Variants in NPAS2 observed in about 807,000 individuals in gnomAD.
NPAS2 encodes the protein neuronal PAS domain-containing protein 2.
A neutral mutation model predicts 107.5 loss-of-function variants in NPAS2; 23 were observed. The ratio of observed to expected loss-of-function variants is 0.21; its 90% CI spans 0.15 to 0.30. NPAS2 has a LOEUF of 0.30. NPAS2 is among the 10% of genes least tolerant of loss of function. The probability of loss-of-function intolerance (pLI) is 1.00; values close to 1 mark genes in which losing one functional copy is unlikely to be tolerated. For synonymous variants in NPAS2, 403 were observed against 417.5 expected, an observed-to-expected ratio of 0.97 and a Z score of 0.42; for missense variants, 756 against 1,043.3, an observed-to-expected ratio of 0.72 and a Z score of 3.79.
chr2:100,975,536 T>C lies in NPAS2; in HGVS notation c.1361T>C (p.Val454Ala), dbSNP rs1676928510. ...GCCACCCTGCCCCAAGAGTTACCTG[T>C]CCCCGGGCTCAGCCAGGCAGCCACC... ...RSATLPQELP[V>A]PGLSQAATMP... The change falls in exon 14 of 21, where the codon GTC becomes GCC. Residue 454 changes from valine (V) to alanine (A), a missense_variant. Coordinates refer to ENST00000335681, the MANE Select transcript of NPAS2 (RefSeq NM_002518.4). The C allele has an allele frequency of 6.2e-7, 1 of 1,612,064 alleles. No homozygotes were observed. The highest frequency in any genetic ancestry group is 8.5e-7 in the Non-Finnish European group (1 of 1,179,016).
intron 2 of NPAS2, among the ~76,000 whole-genome samples, chr2:100,907,050 A>G (rs187050527): frequency 6.6e-6 from 1 of 152,302 alleles, no homozygotes; most frequent in Admixed American, 6.5e-5. Flanking sequence ...TTCTGGCATG[A>G]CTAAGGAGTT....
chr2:100,959,650 C>G (rs1675806615), intron 7 of NPAS2, among the ~76,000 whole-genome samples: 1 of 152,194 alleles, frequency 6.6e-6, no homozygotes. Context: ...TGGGACTTAA[C>G]AACTTTATTC....
intron 1 of NPAS2, among the ~76,000 whole-genome samples, chr2:100,879,846 C>T (rs1008863162): frequency 3.9e-5 from 6 of 152,184 alleles, no homozygotes; most frequent in East Asian, 1.9e-4. Context: ...AGAGAGGCTC[C>T]GAATCAGTGG....
intron 2 of NPAS2, among the ~76,000 whole-genome samples, chr2:100,923,825 G>C (rs767224560): frequency 6.6e-6 from 1 of 152,204 alleles, no homozygotes; most frequent in African/African-American, 2.4e-5. Flanking sequence ...GGCCTGTGGC[G>C]TGTCATTGAA....
At chr2:100,903,744 C>T (rs190190100) in intron 1 of NPAS2, among the ~76,000 whole-genome samples, 2 of 152,252 alleles carry the variant, frequency 1.3e-5, no homozygotes, top group African/African-American at 4.8e-5. Flanking sequence ...TTCAGCCTCC[C>T]ACTCCCACAG....
At chr2:100,902,252 A>G (rs1427396871) in intron 1 of NPAS2, among the ~76,000 whole-genome samples, 1 of 152,150 alleles carries the variant, frequency 6.6e-6, no homozygotes, top group Non-Finnish European at 1.5e-5. Context: ...ATTATTAAGT[A>G]AAAGGGTGAC....
intron 1 of NPAS2, among the ~76,000 whole-genome samples, chr2:100,903,399 T>C (rs1353361692): frequency 6.6e-6 from 1 of 152,258 alleles, no homozygotes; most frequent in African/African-American, 2.4e-5. Flanking sequence ...TTGTGGAATA[T>C]GCCTGCTGTT....
At chr2:100,854,774 A>T (rs1481982386) in intron 1 of NPAS2, among the ~76,000 whole-genome samples, 1 of 152,188 alleles carries the variant, frequency 6.6e-6, no homozygotes, top group Non-Finnish European at 1.5e-5. Flanking sequence ...AGCCCCACAA[A>T]GGGAGTACAC....
intron 1 of NPAS2, among the ~76,000 whole-genome samples, chr2:100,855,387 A>C (rs1170856668): frequency 2.0e-5 from 3 of 152,208 alleles, no homozygotes; most frequent in African/African-American, 7.2e-5. Flanking sequence ...AGCTGGAACC[A>C]CCTGAGATTC....
At chr2:100,837,072 G>A (rs371733111) in intron 1 of NPAS2, among the ~76,000 whole-genome samples, 7 of 151,858 alleles carry the variant, frequency 4.6e-5, no homozygotes, top group South Asian at 2.1e-4. Context: ...ATACAGCAGC[G>A]GGACCCCATC....
At chr2:100,982,482 C>A in intron 16 of NPAS2, 105 bp downstream of exon 16, 1 of 1,291,172 alleles carries the variant, frequency 7.7e-7, no homozygotes, top group Non-Finnish European at 1.1e-6. Context: ...TGTGAACTGC[C>A]CTGCCAAGCC....
intron 1 of NPAS2, among the ~76,000 whole-genome samples, chr2:100,852,217 A>C (rs547295748): frequency 6.6e-6 from 1 of 152,116 alleles, no homozygotes; most frequent in East Asian, 1.9e-4. Flanking sequence ...TAACACGGTG[A>C]AACCCCGTCT....
chr2:100,819,793 C>G (rs968358550), upstream of NPAS2, among the ~76,000 whole-genome samples: 238 of 73,880 alleles, frequency 3.2e-3, no homozygotes, highest in South Asian at 9.5e-3. This position sits in a 1 kb window ranked among gnomAD's most constrained non-coding sequence, Gnocchi z 5.8. Flanking sequence ...GAAGCACAAC[C>G]CCCCCCTCCC....
chr2:100,827,373 G>A (rs942602432), intron 1 of NPAS2, among the ~76,000 whole-genome samples: 3 of 152,184 alleles, frequency 2.0e-5, no homozygotes, highest in African/African-American at 7.2e-5. Context: ...TAAATTTGCT[G>A]TATTCTTTTA....
At chr2:100,971,739 T>C (rs1310949297) in intron 12 of NPAS2, among the ~76,000 whole-genome samples, 1 of 152,054 alleles carries the variant, frequency 6.6e-6, no homozygotes, top group African/African-American at 2.4e-5. Context: ...TAGCCAGACG[T>C]CTCTTTGTCC....
chr2:100,966,585 CTTTTTTT>C (rs765292891), intron 10 of NPAS2, among the ~76,000 whole-genome samples: 2 of 120,342 alleles, frequency 1.7e-5, no homozygotes, highest in African/African-American at 3.3e-5. Flanking sequence ...CCCATTAGAA[CTTTTTTT>C]TTTTTTTTTT....
rs1676004479 is a variant in NPAS2, at chr2:100,820,343, C to A, written c.-94C>A. On this transcript the variant is annotated 5_prime_UTR_variant, in exon 1 of 21. Coordinates refer to ENST00000335681, the MANE Select transcript of NPAS2 (RefSeq NM_002518.4). This position sits in a 1 kb window ranked among gnomAD's most constrained non-coding sequence, Gnocchi z 5.6. ...GCCCGCTCGCCGCCTCGTCTCCCAG[C>A]GGCGGCGGGAGGCGCGTCTCCCCGG... The A allele has an allele frequency of 2.7e-5, 4 of 147,398 alleles. No homozygotes were observed. The highest frequency in any genetic ancestry group is 1.3e-4 in the Admixed American group (2 of 14,846). 9.1% of individuals were successfully genotyped at this position (147,398 alleles called of 1,614,324 possible). A position where few individuals can be genotyped will look rare whatever the true frequency, so the allele number is the denominator to read the frequency against.
chr2:100,884,844 G>A (rs1680591378), intron 1 of NPAS2, among the ~76,000 whole-genome samples: 1 of 152,042 alleles, frequency 6.6e-6, no homozygotes, highest in South Asian at 2.1e-4. Flanking sequence ...GAGTTAGAAG[G>A]ACTTAGTACT....
At chr2:100,947,552 C>CAA (rs35943087) in intron 5 of NPAS2, among the ~76,000 whole-genome samples, 45,764 of 137,414 alleles carry the variant, frequency 0.33, 7,597 homozygotes, top group Middle Eastern at 0.48. Context: ...CACTCTGTCT[C>CAA]AAAAAAAAAA....
Sources: gnomAD v4.1 joint callset for allele counts (sites outside exome capture counted in the v4.1 genomes callset) on GRCh38, gnomAD v4.1.1 for gene constraint, Gnocchi (gnomAD v3.1) non-coding constraint, MANE v1.5 for transcripts, NCBI Gene and HGNC (gene_info 2026-07-23, HGNC 2026-07-21) for gene names.